FMO4: variants seen among roughly 807,000 people sequenced by gnomAD.
The protein encoded by FMO4 is dimethylaniline monooxygenase [N-oxide-forming] 4.
In FMO4, 38 loss-of-function variants were observed where a neutral mutation model predicts 43.3. That is an observed-to-expected ratio of 0.88 (90% CI 0.68 to 1.15). FMO4 has a LOEUF of 1.15. FMO4 is among the 50% of genes most tolerant of loss of function. The pLI is 0.00. For synonymous variants in FMO4, 224 were observed against 232.2 expected, an observed-to-expected ratio of 0.96 and a Z score of 0.32; for missense variants, 631 against 663.3, an observed-to-expected ratio of 0.95 and a Z score of 0.54.
At position 171,331,746 on chromosome 1, in the gene FMO4, A is replaced by T. The variant is rs779318720; in HGVS notation, c.591A>T (p.Gly197=). 3.7e-6 allele frequency: 6 copies of T among 1,613,944 alleles called. No homozygotes were observed. In the South Asian group the frequency reaches 6.6e-5, roughly 18 times the overall value. The change falls in exon 6 of 10, where the codon GGA becomes GGT. Residue 197 remains glycine, a synonymous_variant. Transcript: ENST00000367749. ...TGATTGGTCTTGGGAACACTGGAGGAGACATTGCTGTGGAACTCAGTCGAA... is the reference window on the plus strand; with the variant it reads ...TGATTGGTCTTGGGAACACTGGAGGTGACATTGCTGTGGAACTCAGTCGAA... ...VLVIGLGNTG[G]DIAVELSRTA...
At chr1:171,319,755 T>C (rs1662327895) in intron 2 of FMO4, 63 bp from the exon 3 acceptor site, 2 of 1,513,382 alleles carry the variant, frequency 1.3e-6, no homozygotes, top group Non-Finnish European at 1.8e-6. Flanking sequence ...ATTGAGTCTT[T>C]TGACAAGGGC....
chr1:171,338,447 A>G (rs941448909), intron 9 of FMO4, among the ~76,000 whole-genome samples: 1 of 152,126 alleles, frequency 6.6e-6, no homozygotes. Context: ...TGTGGCCCAC[A>G]GCACACCCAA....
chr1:171,331,927 C>A, intron 6 of FMO4, 145 bp downstream of exon 6: 1 of 751,550 alleles, frequency 1.3e-6, no homozygotes, highest in South Asian at 1.9e-5. Context: ...CATTGAAAAT[C>A]TTTAAAGCCA....
chr1:171,320,096 T>C (rs1326146156), intron 3 of FMO4, 139 bp downstream of exon 3: 1 of 887,742 alleles, frequency 1.1e-6, no homozygotes, highest in East Asian at 2.4e-5. Context: ...AATGCAGTGT[T>C]AAACATTAGG....
intron 2 of FMO4, among the ~76,000 whole-genome samples, chr1:171,316,547 T>C (rs1416392451): frequency 6.6e-6 from 1 of 152,192 alleles, no homozygotes; most frequent in Non-Finnish European, 1.5e-5. Context: ...TTACAAATAA[T>C]ATATCTAAGG....
At chr1:171,321,987 A>T (rs1298245388) in intron 3 of FMO4, among the ~76,000 whole-genome samples, 1 of 152,210 alleles carries the variant, frequency 6.6e-6, no homozygotes, top group African/African-American at 2.4e-5. Context: ...AGCTTCAGCC[A>T]CAAGAAGTTC....
At chr1:171,340,754 C>G (rs954455314) in intron 9 of FMO4, among the ~76,000 whole-genome samples, 4 of 152,022 alleles carry the variant, frequency 2.6e-5, no homozygotes, top group Non-Finnish European at 4.4e-5. Context: ...TCCCATCATC[C>G]TTTGTTCTGA....
chr1:171,331,602 T>C lies in FMO4; in HGVS notation c.485-38T>C, dbSNP rs756177325. The C allele has an allele frequency of 4.4e-6, 7 of 1,605,920 alleles. No individual in the cohort carries two copies. In the African/African-American group the frequency reaches 8.0e-5, roughly 18 times the overall value. ...CCTGCGTAGTGAGAAATTATAACTT[T>C]AGACATTTCAGACTTTCTGATCCTT... On this transcript the variant is annotated intron_variant, in intron 5 of 9. Transcript: ENST00000367749.
intron 7 of FMO4, among the ~76,000 whole-genome samples, chr1:171,333,593 G>A (rs963405822): frequency 7.2e-5 from 11 of 152,068 alleles, no homozygotes; most frequent in African/African-American, 2.7e-4. Context: ...CCTTTGAAAA[G>A]CACGTAAGGT....
intron 2 of FMO4, among the ~76,000 whole-genome samples, chr1:171,316,815 T>C (rs1009880610): frequency 6.6e-5 from 10 of 152,340 alleles, no homozygotes; most frequent in East Asian, 1.9e-4. Context: ...GAAATCCTTC[T>C]GATCCTCATT....
chr1:171,316,511 C>T (rs1185355294), intron 2 of FMO4, among the ~76,000 whole-genome samples, 184 bp downstream of exon 2: 3 of 152,112 alleles, frequency 2.0e-5, no homozygotes, highest in African/African-American at 7.2e-5. Flanking sequence ...TGCAAACAAT[C>T]CTTCAACATA....
chr1:171,317,419 T>C (rs894411431), intron 2 of FMO4, among the ~76,000 whole-genome samples: 1 of 152,180 alleles, frequency 6.6e-6, no homozygotes, highest in Non-Finnish European at 1.5e-5. Flanking sequence ...GTCTTCTGAA[T>C]TGGCCAAGTG....
At position 171,341,751 on chromosome 1, in the gene FMO4, T is replaced by C; in HGVS notation, c.1589T>C (p.Ile530Thr). 6.2e-7 allele frequency: 1 copy of C among 1,613,872 alleles called. No individual in the cohort carries two copies. Among genetic ancestry groups the C allele is most frequent in the Middle Eastern group, 1.7e-4 (1 of 6,060 alleles). The change falls in exon 10 of 10, where the codon ATC becomes ACC. Residue 530 changes from isoleucine (I) to threonine (T), a missense_variant. Transcript: ENST00000367749. ...APVLLASLLL[I>T]CKSSLFLKLV... ...GTCCTACTTGCCTCTCTTCTACTTA[T>C]CTGTAAATCTTCACTTTTCTTGAAA...
At chr1:171,327,516 G>C (rs923302309) in intron 5 of FMO4, among the ~76,000 whole-genome samples, 2 of 152,076 alleles carry the variant, frequency 1.3e-5, no homozygotes, top group Admixed American at 1.3e-4. Context: ...AACAAACAGG[G>C]AGGTTAAGCC....
At chr1:171,318,646 A>G (rs1186176966) in intron 2 of FMO4, among the ~76,000 whole-genome samples, 1 of 152,122 alleles carries the variant, frequency 6.6e-6, no homozygotes, top group African/African-American at 2.4e-5. Context: ...GTATTCAAAA[A>G]GTTTTGGATT....
At chr1:171,328,373 G>A (rs905054272) in intron 5 of FMO4, among the ~76,000 whole-genome samples, 7 of 152,060 alleles carry the variant, frequency 4.6e-5, no homozygotes, top group East Asian at 3.9e-4. Flanking sequence ...GATATGGGTC[G>A]GGCGCGGTGG....
chr1:171,322,595 G>A (rs1049828469), intron 3 of FMO4, among the ~76,000 whole-genome samples: 8 of 152,196 alleles, frequency 5.3e-5, no homozygotes, highest in Non-Finnish European at 1.2e-4. Flanking sequence ...GCTCATGCCT[G>A]TAATCCAGGC....
At chr1:171,319,171 G>A (rs1022190148) in intron 2 of FMO4, among the ~76,000 whole-genome samples, 1 of 152,184 alleles carries the variant, frequency 6.6e-6, no homozygotes, top group Non-Finnish European at 1.5e-5. Context: ...TTATTGAGTG[G>A]TGGAGGTGGA....
At chr1:171,322,924 G>A (rs1302694306) in intron 3 of FMO4, 80 bp from the exon 4 acceptor site, 1 of 1,024,088 alleles carries the variant, frequency 9.8e-7, no homozygotes, top group African/African-American at 1.6e-5. Flanking sequence ...CCTCAGTGAG[G>A]CTAGCATGAG....
Sources: allele counts gnomAD v4.1 joint callset (sites outside exome capture counted in the v4.1 genomes callset), GRCh38; gene constraint gnomAD v4.1.1; transcripts MANE v1.5; gene names NCBI Gene and HGNC (gene_info 2026-07-23, HGNC 2026-07-21).